The following FBXO40 variants were observed in gnomAD, a reference collection of about 807,000 sequenced individuals.
The protein encoded by FBXO40 is F-box protein 40, also known as F-box only protein 40.
In FBXO40, 50 loss-of-function variants were observed where a neutral mutation model predicts 49.9. The observed-to-expected ratio is 1.00, with a 90% CI of 0.80 to 1.27. The LOEUF (loss-of-function observed/expected upper bound fraction) is 1.27, where lower values mean the gene tolerates loss of function less well. FBXO40 is among the 50% of genes most tolerant of loss of function. The pLI is 0.00. For missense variants in FBXO40, 895 were observed against 870.1 expected (o/e 1.03, Z -0.36); for synonymous variants, 340 against 320.2 (o/e 1.06, Z -0.66).
Position 121,630,212 on chromosome 3 carries a change from G to A in FBXO40, c.*3302G>A, listed in dbSNP as rs1401166416. The A allele has an allele frequency of 1.3e-5, 2 of 152,212 alleles. No individual in the cohort carries two copies. The highest frequency in any genetic ancestry group is 2.9e-5 in the Non-Finnish European group (2 of 68,040). 9.4% of individuals were successfully genotyped at this position (152,212 alleles called of 1,614,324 possible). A position where few individuals can be genotyped will look rare whatever the true frequency, so the allele number is the denominator to read the frequency against. The stretch of plus-strand genomic sequence containing the variant: ...AAACTGAAATGAAGAATGAGATTGA[G>A]TATATCTGTGGTGACTGACCTCTGT... On this transcript the variant is annotated 3_prime_UTR_variant, in exon 4 of 4. Transcript: ENST00000338040.
intron 3 of FBXO40, 30 bp from the exon 4 acceptor site, chr3:121,626,665 T>A: frequency 6.2e-7 from 1 of 1,606,626 alleles, no homozygotes; most frequent in Non-Finnish European, 8.5e-7. Context: ...ACCCCTATAT[T>A]CACCTTTGAA....
intron 1 of FBXO40, among the ~76,000 whole-genome samples, chr3:121,615,977 A>C (rs2048995620): frequency 6.6e-6 from 1 of 152,030 alleles, no homozygotes; most frequent in Non-Finnish European, 1.5e-5. Context: ...TAACATAATC[A>C]CTTCTCTAAG....
At chr3:121,620,464 TG>T in intron 1 of FBXO40, 81 bp from the exon 2 acceptor site, 2 of 1,229,380 alleles carry the variant, frequency 1.6e-6, no homozygotes, top group Non-Finnish European at 2.4e-6. Context: ...TGAGATAGTG[TG>T]TGAAGTCTCT....
intron 1 of FBXO40, among the ~76,000 whole-genome samples, chr3:121,616,959 G>C (rs571625244): frequency 2.0e-5 from 3 of 152,268 alleles, no homozygotes; most frequent in African/African-American, 7.2e-5. Flanking sequence ...AACTAAAAAA[G>C]TTGATCACAT....
chr3:121,619,717 T>A (rs9849998), intron 1 of FBXO40, among the ~76,000 whole-genome samples: 74,997 of 151,968 alleles, frequency 0.49, 18,946 homozygotes, highest in Admixed American at 0.59. Context: ...CTCTCTCTAC[T>A]GATGGGGAAA....
chr3:121,622,100 A>T lies in FBXO40; in HGVS notation c.671A>T (p.Lys224Ile). 1 of 1,614,238 alleles carries T rather than the reference A, an allele frequency of 6.2e-7. No individual in the cohort carries two copies. The part of the protein sequence containing the change: ...KFGQWENIFS[K>I]EHAASALTNS... Reference sequence around the variant, plus strand: ...GGCCAGTGGGAAAATATTTTCAGCAAAGAGCACGCAGCCTCTGCTTTAACA... The same window carrying T: ...GGCCAGTGGGAAAATATTTTCAGCATAGAGCACGCAGCCTCTGCTTTAACA... Residue 224 changes from lysine (K) to isoleucine (I), a missense_variant, in exon 3 of 4, where the codon AAA becomes ATA. By Grantham distance (102) the Lys-to-Ile change is moderately radical. Coordinates refer to ENST00000338040, the MANE Select transcript of FBXO40 (RefSeq NM_016298.4).
At chr3:121,596,334 C>T (rs2048871718) in intron 1 of FBXO40, among the ~76,000 whole-genome samples, 1 of 152,182 alleles carries the variant, frequency 6.6e-6, no homozygotes, top group Non-Finnish European at 1.5e-5. Context: ...TGACTAGAGC[C>T]AGAGACTCTG....
chr3:121,621,169 C>G (rs7631939), intron 2 of FBXO40, among the ~76,000 whole-genome samples: 77,869 of 152,082 alleles, frequency 0.51, 21,010 homozygotes, highest in African/African-American at 0.61. Flanking sequence ...CAATTGTCAA[C>G]AGTGTAGTCC....
At chr3:121,624,341 T>C (rs1167312137) in intron 3 of FBXO40, among the ~76,000 whole-genome samples, 1 of 152,138 alleles carries the variant, frequency 6.6e-6, no homozygotes, top group African/African-American at 2.4e-5. Context: ...GAACAGTTGC[T>C]GAGAATAAGA....
At chr3:121,596,277 A>G (rs1349243192) in intron 1 of FBXO40, among the ~76,000 whole-genome samples, 2 of 152,130 alleles carry the variant, frequency 1.3e-5, no homozygotes, top group Non-Finnish European at 2.9e-5. Flanking sequence ...TGTGATTTCT[A>G]CAGACTCTTT....
At chr3:121,603,525 C>A (rs1390270038) in intron 1 of FBXO40, among the ~76,000 whole-genome samples, 1 of 152,130 alleles carries the variant, frequency 6.6e-6, no homozygotes, top group Non-Finnish European at 1.5e-5. Context: ...GTCAGGACAT[C>A]TGGACATTCT....
In FBXO40 at chr3:121,626,778, C is replaced by G; in HGVS notation, c.1998C>G (p.Ser666=). The G allele has an allele frequency of 6.2e-7, 1 of 1,614,176 alleles. No homozygotes were observed. Among genetic ancestry groups the G allele is most frequent in the South Asian group, 1.1e-5 (1 of 91,086 alleles). ...EVTSMSEHLK[S]CPFNIVEHKT... ...CCTCCATGTCTGAGCACCTGAAGTC[C>G]TGTCCTTTCAACATTGTAGAGCACA... Residue 666 remains serine (S), a synonymous_variant, in exon 4 of 4, where the codon TCC becomes TCG. Transcript: ENST00000338040.
Position 121,628,793 on chromosome 3 carries a change from G to C in FBXO40, c.*1883G>C, listed in dbSNP as rs892320095. 7 of 152,206 alleles carry C rather than the reference G, an allele frequency of 4.6e-5. No individual in the cohort carries two copies. Among genetic ancestry groups the C allele is most frequent in the African/African-American group, 1.7e-4 (7 of 41,456 alleles). 9.4% of individuals were successfully genotyped at this position (152,206 alleles called of 1,614,324 possible). A position where few individuals can be genotyped will look rare whatever the true frequency, so the allele number is the denominator to read the frequency against. On this transcript the variant is annotated 3_prime_UTR_variant, in exon 4 of 4. Coordinates refer to ENST00000338040, the MANE Select transcript of FBXO40 (RefSeq NM_016298.4). ...TGTGGTGATTTTAAGTTGGGAACCA[G>C]AAGGAAATGATTCGTTTGGTATGGC...
chr3:121,613,683 C>T (rs1456413518), intron 1 of FBXO40, among the ~76,000 whole-genome samples: 1 of 152,210 alleles, frequency 6.6e-6, no homozygotes, highest in East Asian at 1.9e-4. Flanking sequence ...TTAAATACCA[C>T]ACTTTAACTT....
At position 121,621,577 on chromosome 3, in the gene FBXO40, A is replaced by G; in HGVS notation, c.148A>G (p.Lys50Glu). Residue 50 changes from lysine to glutamate, a missense_variant, in exon 3 of 4, where the codon AAA becomes GAA. Coordinates refer to ENST00000338040, the MANE Select transcript of FBXO40 (RefSeq NM_016298.4). Reference sequence around the variant, plus strand: ...CTGTGGTGCCACCTTCCACATGTGCAAAGAGGCAGAGCACCAGCTCCTCTG... The same window carrying G: ...CTGTGGTGCCACCTTCCACATGTGCGAAGAGGCAGAGCACCAGCTCCTCTG... ...LLCGATFHMC[K>E]EAEHQLLCPL... 6.2e-7 allele frequency: 1 copy of G among 1,614,200 alleles called. No individual in the cohort carries two copies.
rs1443006683 is a variant in FBXO40 at position 121,621,478 on chromosome 3, G to A, written c.49G>A (p.Gly17Arg). ...GCCAGGGCACCACAGGCATTGTGAG[G>A]GATGCTTCAACCGCCACTGCCACAT... Reference protein sequence around the residue: ...SPPGHHRHCEGCFNRHCHIPV... With the variant: ...SPPGHHRHCERCFNRHCHIPV... Residue 17 changes from glycine to arginine, a missense_variant, in exon 3 of 4, where the codon GGA (glycine) becomes AGA (arginine). Coordinates refer to ENST00000338040, the MANE Select transcript of FBXO40 (RefSeq NM_016298.4). 1.2e-6 allele frequency: 2 copies of A among 1,614,044 alleles called. No individual in the cohort carries two copies. The highest frequency in any genetic ancestry group is 1.1e-5 in the South Asian group (1 of 91,080).
At position 121,598,793 on chromosome 3, in the gene FBXO40, G is replaced by A. The variant is rs547269227; in HGVS notation, c.-31+5291G>A. ...GGTCTCCCACAGTGCTGGGATTACA[G>A]GCATGAGCCACTGAACTGGGCCCAA... is the stretch of plus-strand genomic sequence containing the variant. On this transcript the variant is annotated intron_variant, in intron 1 of 3. Coordinates refer to ENST00000338040, the MANE Select transcript of FBXO40 (RefSeq NM_016298.4). 2.6e-5 allele frequency among the ~76,000 whole-genome samples: 4 copies of A among 152,272 alleles called. No homozygotes were observed. In the East Asian group the frequency reaches 7.7e-4, roughly 29 times the overall value.
At chr3:121,596,473 A>C (rs902947249) in intron 1 of FBXO40, among the ~76,000 whole-genome samples, 42 of 152,210 alleles carry the variant, frequency 2.8e-4, no homozygotes, top group African/African-American at 9.7e-4. Flanking sequence ...ATTTTGTTAC[A>C]AGGAAAGAGT....
intron 3 of FBXO40, 47 bp downstream of exon 3, chr3:121,623,390 T>C: frequency 6.6e-7 from 1 of 1,522,936 alleles, no homozygotes. Context: ...CAATTTTTTG[T>C]TTCATTTTTT....
Sources: allele counts gnomAD v4.1 joint callset (sites outside exome capture counted in the v4.1 genomes callset), GRCh38; gene constraint gnomAD v4.1.1; transcripts MANE v1.5; gene names NCBI Gene and HGNC (gene_info 2026-07-23, HGNC 2026-07-21).